Variants in FBN1 observed in about 807,000 individuals in gnomAD.
FBN1 encodes fibrillin-1.
Under a neutral mutation model 365.1 loss-of-function variants are expected in FBN1, and 29 were observed. The ratio of observed to expected loss-of-function variants is 0.08; its 90% CI spans 0.06 to 0.11. The LOEUF (loss-of-function observed/expected upper bound fraction) is 0.11. Among genes scored for constraint, FBN1 ranks in the 10% least tolerant of loss-of-function variants. FBN1 has a pLI of 1.00. For synonymous variants in FBN1, 1,210 were observed against 1,270.5 expected (o/e 0.95, Z 1.01); for missense variants, 2,476 against 3,703.2 (o/e 0.67, Z 8.60).
chr15:48,503,296 CAAAAAAAAA>C (rs754101177), intron 17 of FBN1, among the ~76,000 whole-genome samples: 4 of 74,762 alleles, frequency 5.4e-5, no homozygotes. Flanking sequence ...GACTCCATCT[CAAAAAAAAA>C]AAAAAAAAAG....
At chr15:48,501,204 T>C (rs763078992) in intron 17 of FBN1, among the ~76,000 whole-genome samples, 14 of 152,310 alleles carry the variant, frequency 9.2e-5, no homozygotes, top group Non-Finnish European at 1.3e-4. Context: ...CCCAATTCAA[T>C]AGTAATGCTG....
intron 6 of FBN1, among the ~76,000 whole-genome samples, chr15:48,564,994 G>GA (rs2140662582): frequency 6.6e-6 from 1 of 152,282 alleles, no homozygotes; most frequent in South Asian, 2.1e-4. Context: ...CTTACATATA[G>GA]AATCTCAATT....
At chr15:48,599,920 A>G (rs1281482869) in intron 5 of FBN1, among the ~76,000 whole-genome samples, 1 of 152,216 alleles carries the variant, frequency 6.6e-6, no homozygotes, top group East Asian at 1.9e-4. Flanking sequence ...AAATGAGAGG[A>G]AAATGAATCA....
chr15:48,457,486 G>A (rs1430531539), intron 43 of FBN1, among the ~76,000 whole-genome samples: 1 of 152,056 alleles, frequency 6.6e-6, no homozygotes, highest in African/African-American at 2.4e-5. Context: ...ACAGGACCAA[G>A]AGTGAGAACA....
Position 48,428,401 on chromosome 15 carries a change from G to A in FBN1, c.6942C>T (p.Tyr2314=), listed in dbSNP as rs372967546. 1.5e-5 allele frequency: 24 copies of A among 1,613,996 alleles called. No homozygotes were observed. In the African/African-American group the frequency reaches 2.8e-4, roughly 19 times the overall value. The change falls in exon 57 of 66, where the codon TAC becomes TAT. Residue 2314 remains tyrosine (Y), a synonymous_variant. Coordinates refer to ENST00000316623, the MANE Select transcript of FBN1 (RefSeq NM_000138.5). Reference sequence around the variant, plus strand: ...TAAACCCATCATTACACTCACAGGTGTAGCTCCCACGGGTGTTGAGGCAGC... The same window carrying A: ...TAAACCCATCATTACACTCACAGGTATAGCTCCCACGGGTGTTGAGGCAGC... ...NGRCLNTRGS[Y]TCECNDGFTA... is the part of the protein sequence containing the mutation.
chr15:48,456,869 T>TGTGTGTGTGTGC (rs371116530), intron 43 of FBN1, 107 bp from the exon 44 acceptor site: 15 of 1,086,450 alleles, frequency 1.4e-5, no homozygotes, highest in Middle Eastern at 2.1e-4. Flanking sequence ...TGTGTGTGTG[T>TGTGTGTGTGTGC]GTGCGTGCAT....
intron 2 of FBN1, among the ~76,000 whole-genome samples, chr15:48,615,926 A>G (rs1313789852): frequency 6.6e-6 from 1 of 152,220 alleles, no homozygotes; most frequent in East Asian, 1.9e-4. Context: ...ACCTTAAGAG[A>G]TGAGAACCCG....
chr15:48,423,133 T>A (rs2042955718), intron 60 of FBN1, among the ~76,000 whole-genome samples: 1 of 152,226 alleles, frequency 6.6e-6, no homozygotes, highest in South Asian at 2.1e-4. Context: ...AGATGAAATG[T>A]TGTGTTCTAG....
chr15:48,510,427 T>C (rs148118572), intron 13 of FBN1, among the ~76,000 whole-genome samples: 2 of 152,278 alleles, frequency 1.3e-5, no homozygotes, highest in African/African-American at 4.8e-5. Flanking sequence ...CCGAAGTCTG[T>C]AAACAAAATA....
intron 34 of FBN1, 29 bp from the exon 35 acceptor site, chr15:48,472,705 C>T (rs746611751): frequency 6.2e-7 from 1 of 1,614,146 alleles, no homozygotes; most frequent in East Asian, 2.2e-5. Context: ...ACACGTTACT[C>T]TTCCTCGGTT....
chr15:48,475,380 C>A (rs2043411009), intron 32 of FBN1, among the ~76,000 whole-genome samples: 1 of 152,130 alleles, frequency 6.6e-6, no homozygotes, highest in Non-Finnish European at 1.5e-5. Flanking sequence ...TACTAAAAGA[C>A]TCCAAATTTT....
At chr15:48,622,510 A>C (rs562450915) in intron 2 of FBN1, among the ~76,000 whole-genome samples, 1 of 152,150 alleles carries the variant, frequency 6.6e-6, no homozygotes, top group Admixed American at 6.5e-5. Flanking sequence ...CCCTTGTCCA[A>C]ATCCTGGTGA....
Position 48,525,841 on chromosome 15 carries a change from A to T in FBN1, c.988+289T>A, listed in dbSNP as rs17362691. ...GGGTAAAAAGAGAGAGACACCTGGG[A>T]TGGCTTCAAGGTTTAATGCTGCACG... On this transcript the variant is annotated intron_variant, in intron 9 of 65. Coordinates refer to ENST00000316623, the MANE Select transcript of FBN1 (RefSeq NM_000138.5). Among the ~76,000 whole-genome samples, 18,712 of 152,112 alleles carry T rather than the reference A, an allele frequency of 0.12. 1,200 individuals carry two copies. Among genetic ancestry groups the T allele is most frequent in the Non-Finnish European group, 0.14 (9,291 of 67,972 alleles).
chr15:48,583,946 GGAT>G (rs2044416381), intron 6 of FBN1, among the ~76,000 whole-genome samples: 1 of 151,958 alleles, frequency 6.6e-6, no homozygotes, highest in African/African-American at 2.4e-5. Flanking sequence ...TCTGAATAGG[GGAT>G]CCAAAAAATA....
chr15:48,625,405 C>G (rs1324734895), intron 2 of FBN1, among the ~76,000 whole-genome samples: 1 of 152,144 alleles, frequency 6.6e-6, no homozygotes, highest in African/African-American at 2.4e-5. Context: ...GCTTAGTAAG[C>G]TGCCCAGTGA....
rs56789154 is a variant in FBN1 at position 48,469,067 on chromosome 15, CAAA to C, written c.4460-536_4460-534del. ...TGGGCGACAGAGCGAGACTCCGTCT[CAAA>C]AAAAAAAAAATATATATATATATAA... On this transcript the variant is annotated intron_variant, in intron 36 of 65. Coordinates refer to ENST00000316623, the MANE Select transcript of FBN1 (RefSeq NM_000138.5). Among the ~76,000 whole-genome samples, 2,161 of 90,654 alleles carry C rather than the reference CAAA, an allele frequency of 0.024. 175 individuals carry two copies. The East Asian group carries it at 0.27, about 11-fold the overall frequency. The allele number at this position is 90,654 out of a possible 152,430, so 59.5% of individuals were successfully genotyped here.
chr15:48,472,478 AGCATC>A, intron 35 of FBN1, 68 bp downstream of exon 35: 1 of 1,448,248 alleles, frequency 6.9e-7, no homozygotes, highest in Non-Finnish European at 9.5e-7. Context: ...AAAAAAAAAA[AGCATC>A]AGGAATGTTT....
intron 11 of FBN1, 55 bp from the exon 12 acceptor site, chr15:48,515,582 G>A (rs534260766): frequency 2.1e-5 from 33 of 1,596,718 alleles, no homozygotes; most frequent in Non-Finnish European, 2.4e-5. Flanking sequence ...TCTTTCATCA[G>A]TACTTAATCT....
intron 2 of FBN1, among the ~76,000 whole-genome samples, chr15:48,626,125 A>C (rs1030601555): frequency 3.9e-5 from 6 of 152,040 alleles, no homozygotes; most frequent in African/African-American, 1.4e-4. Context: ...AGATGGTGGC[A>C]TGCACCTGTA....
Sources: gnomAD v4.1 joint callset for allele counts (sites outside exome capture counted in the v4.1 genomes callset) on GRCh38, gnomAD v4.1.1 for gene constraint, MANE v1.5 for transcripts, NCBI Gene and HGNC (gene_info 2026-07-23, HGNC 2026-07-21) for gene names.